The following ASTN2 variants were observed in gnomAD, a reference collection of about 807,000 sequenced individuals.
ASTN2 encodes the protein astrotactin-2.
A neutral mutation model predicts 139.8 loss-of-function variants in ASTN2; 54 were observed. The ratio of observed to expected loss-of-function variants is 0.39; its 90% CI spans 0.31 to 0.48. ASTN2 has a LOEUF of 0.48. Ranked by LOEUF, ASTN2 falls within the 20% of genes least tolerant of loss-of-function variation. The pLI, the probability that ASTN2 is intolerant of heterozygous loss-of-function variation, is 0.95. For synonymous variants in ASTN2, 756 were observed against 719.5 expected (o/e 1.05, Z -0.81); for missense variants, 1,565 against 1,725.1 (o/e 0.91, Z 1.64).
intron 7 of ASTN2, among the ~76,000 whole-genome samples, chr9:116,987,212 T>C (rs1163014621): frequency 3.9e-5 from 6 of 152,206 alleles, no homozygotes; most frequent in Non-Finnish European, 8.8e-5. Context: ...AGGGAGGTGA[T>C]TGGATTATGG....
rs1269384347 is a variant in ASTN2 at position 116,423,960 on chromosome 9, G to A, written c.*1891C>T. On this transcript the variant is annotated 3_prime_UTR_variant, in exon 23 of 23. Coordinates refer to ENST00000313400, the MANE Select transcript of ASTN2 (RefSeq NM_001365068.1). ...TATTTTGAATGGCTTATGTTTTATT[G>A]ATATTCAGTATCTTTTCCTCTTCTG... is the stretch of plus-strand genomic sequence containing the variant. Among the ~76,000 whole-genome samples the A allele has an allele frequency of 2.6e-5, 4 of 152,030 alleles. No homozygotes were observed. The highest frequency in any genetic ancestry group is 2.6e-4 in the Admixed American group (4 of 15,268).
intron 3 of ASTN2, among the ~76,000 whole-genome samples, chr9:117,187,877 T>G (rs988228064): frequency 6.6e-6 from 1 of 152,216 alleles, no homozygotes; most frequent in Non-Finnish European, 1.5e-5. Flanking sequence ...ATGTTACAGT[T>G]ACAAAAAGCA....
chr9:116,636,851 G>A (rs1857099965), intron 17 of ASTN2, among the ~76,000 whole-genome samples: 4 of 152,110 alleles, frequency 2.6e-5, no homozygotes. Context: ...TAAGAGGAGT[G>A]GTCTTTGGGA....
intron 7 of ASTN2, among the ~76,000 whole-genome samples, chr9:116,994,607 T>C (rs1483746423): frequency 6.6e-6 from 1 of 152,212 alleles, no homozygotes; most frequent in Non-Finnish European, 1.5e-5. Context: ...TCAAATATGG[T>C]GAATGTGACT....
intron 22 of ASTN2, among the ~76,000 whole-genome samples, chr9:116,428,062 A>G (rs1296812377): frequency 6.6e-6 from 1 of 152,254 alleles, no homozygotes; most frequent in Non-Finnish European, 1.5e-5. Flanking sequence ...AGATGGACAA[A>G]TGGAGATGAC....
At chr9:117,300,964 T>C (rs970890841) in intron 1 of ASTN2, among the ~76,000 whole-genome samples, 39 of 152,172 alleles carry the variant, frequency 2.6e-4, no homozygotes, top group African/African-American at 9.4e-4. Flanking sequence ...ACTGCATCTT[T>C]TACATGAAAC....
At chr9:117,193,435 C>T (rs1174000909) in intron 3 of ASTN2, among the ~76,000 whole-genome samples, 6 of 151,758 alleles carry the variant, frequency 4.0e-5, no homozygotes, top group African/African-American at 1.5e-4. Flanking sequence ...GTGAGGAGAT[C>T]GAGACCATCC....
At chr9:117,398,673 G>GT (rs962209450) in intron 1 of ASTN2, among the ~76,000 whole-genome samples, 1 of 152,200 alleles carries the variant, frequency 6.6e-6, no homozygotes. Context: ...CCAGCAAACT[G>GT]TTTGTCATGG....
chr9:116,849,592 A>C (rs907146306), intron 11 of ASTN2, among the ~76,000 whole-genome samples: 1 of 152,224 alleles, frequency 6.6e-6, no homozygotes, highest in African/African-American at 2.4e-5. Context: ...CTCATTACAG[A>C]GGAAGGGATC....
At chr9:116,775,138 C>A (rs1295482082) in intron 13 of ASTN2, among the ~76,000 whole-genome samples, 1 of 152,052 alleles carries the variant, frequency 6.6e-6, no homozygotes, top group Non-Finnish European at 1.5e-5. Flanking sequence ...TATCTGTTAT[C>A]CAGTCCTGAA....
At chr9:116,591,191 C>A (rs968601636) in intron 19 of ASTN2, among the ~76,000 whole-genome samples, 3 of 152,176 alleles carry the variant, frequency 2.0e-5, no homozygotes, top group Admixed American at 6.5e-5. Context: ...TGAGCCAGGG[C>A]CATGACGCCC....
chr9:116,800,463 C>T (rs1231127937), intron 13 of ASTN2, among the ~76,000 whole-genome samples: 2 of 152,064 alleles, frequency 1.3e-5, no homozygotes, highest in East Asian at 3.9e-4. Context: ...ACCACATGCT[C>T]GCCCCCCAGA....
At chr9:117,161,420 G>T (rs1207405299) in intron 3 of ASTN2, among the ~76,000 whole-genome samples, 1 of 151,890 alleles carries the variant, frequency 6.6e-6, no homozygotes, top group African/African-American at 2.4e-5. Context: ...GCAAGACAGG[G>T]TCTCACTCTG....
intron 3 of ASTN2, among the ~76,000 whole-genome samples, chr9:117,168,033 C>T (rs1484026308): frequency 1.3e-5 from 2 of 152,126 alleles, no homozygotes; most frequent in African/African-American, 4.8e-5. Context: ...ACAGAGGCCA[C>T]TAACCAAGTC....
At chr9:116,975,007 G>A (rs1358940611) in intron 10 of ASTN2, among the ~76,000 whole-genome samples, 4 of 152,158 alleles carry the variant, frequency 2.6e-5, no homozygotes, top group African/African-American at 9.7e-5. Context: ...AAAAAGGAAA[G>A]CAATAGTGTT....
chr9:116,502,402 C>G (rs1849896356), intron 19 of ASTN2, among the ~76,000 whole-genome samples: 1 of 151,192 alleles, frequency 6.6e-6, no homozygotes, highest in South Asian at 2.1e-4. Flanking sequence ...AAGACTGAAG[C>G]AGAAACTGAG....
chr9:117,008,061 T>G (rs373598357), intron 7 of ASTN2, 31 bp downstream of exon 7: 22 of 1,548,596 alleles, frequency 1.4e-5, no homozygotes, highest in African/African-American at 2.7e-5. Flanking sequence ...CTCTCCCACC[T>G]TCTATCCCCA....
intron 17 of ASTN2, among the ~76,000 whole-genome samples, chr9:116,644,757 G>A (rs968828990): frequency 2.6e-5 from 4 of 152,164 alleles, no homozygotes; most frequent in Middle Eastern, 3.2e-3. Context: ...TTAAATTTAA[G>A]GAGTAAAATT....
chr9:117,276,947 T>C (rs1197151031), intron 2 of ASTN2: 1 of 152,228 alleles, frequency 6.6e-6, no homozygotes, highest in African/African-American at 2.4e-5. Context: ...ATGTTAAGGC[T>C]GTGACTTTCC....
Sources: gnomAD v4.1 joint callset for allele counts (sites outside exome capture counted in the v4.1 genomes callset) on GRCh38, gnomAD v4.1.1 for gene constraint, MANE v1.5 for transcripts, NCBI Gene and HGNC (gene_info 2026-07-23, HGNC 2026-07-21) for gene names.